PLB1: variants seen among roughly 807,000 people sequenced by gnomAD.
PLB1 encodes phospholipase B1, membrane-associated.
In PLB1, 242 loss-of-function variants were observed where a neutral mutation model predicts 227.4. That is an observed-to-expected ratio of 1.06 (90% CI 0.96 to 1.18). The LOEUF (loss-of-function observed/expected upper bound fraction) is 1.18. Among genes scored for constraint, PLB1 ranks in the 50% most tolerant of loss-of-function variants. The pLI, the probability that PLB1 is intolerant of heterozygous loss-of-function variation, is 0.00. For synonymous variants in PLB1, 757 were observed against 682.2 expected (o/e 1.11, Z -1.71); for missense variants, 1,858 against 1,816.3 (o/e 1.02, Z -0.42).
chr2:28,573,317 T>C lies in PLB1; in HGVS notation c.1433+12T>C. On this transcript the variant is annotated intron_variant, in intron 21 of 57. Transcript: ENST00000327757. Reference sequence around the variant, plus strand: ...GGAGGCCGAGCTGAGTAAGCAGGGGTGACCGGGGCGGTGAACAGCACAGGT... The same window carrying C: ...GGAGGCCGAGCTGAGTAAGCAGGGGCGACCGGGGCGGTGAACAGCACAGGT... The C allele has an allele frequency of 6.2e-7, 1 of 1,601,504 alleles. No homozygotes were observed. The highest frequency in any genetic ancestry group is 1.1e-5 in the South Asian group (1 of 90,744).
chr2:28,529,322 T>C lies in PLB1; in HGVS notation c.331T>C (p.Ser111Pro), dbSNP rs1670695626. 3.1e-6 allele frequency: 5 copies of C among 1,607,596 alleles called. No individual in the cohort carries two copies. In the African/African-American group the frequency reaches 4.0e-5, roughly 13 times the overall value. ...QVCMGVMTVL[S>P]DIIRYFSPSV... ...CAAACCAGTTCTCTCTTTAGTCCTT[T>C]CAGACATCATCAGATATTTCAGTCC... is the stretch of plus-strand genomic sequence containing the variant. Residue 111 changes from serine to proline, a missense_variant, in exon 7 of 58, where the codon TCA becomes CCA. Ser to Pro is a moderately conservative substitution (Grantham distance 74). Transcript: ENST00000327757.
intron 21 of PLB1, among the ~76,000 whole-genome samples, chr2:28,574,465 C>T (rs1270829920): frequency 6.7e-6 from 1 of 149,250 alleles, no homozygotes; most frequent in Non-Finnish European, 1.5e-5. Flanking sequence ...TCACTGCAAC[C>T]TCCACCTCCC....
chr2:28,576,770 A>T (rs1679026357), intron 21 of PLB1, among the ~76,000 whole-genome samples: 1 of 152,098 alleles, frequency 6.6e-6, no homozygotes, highest in African/African-American at 2.4e-5. Context: ...TCATCCTCAA[A>T]CTCTGTTCCA....
At chr2:28,523,240 T>C (rs756839608) in intron 4 of PLB1, among the ~76,000 whole-genome samples, 18 of 151,898 alleles carry the variant, frequency 1.2e-4, no homozygotes, top group South Asian at 6.2e-4. Context: ...CACACATATA[T>C]ACATTCTCAT....
At chr2:28,552,567 G>A (rs1331622804) in intron 16 of PLB1, among the ~76,000 whole-genome samples, 1 of 152,226 alleles carries the variant, frequency 6.6e-6, no homozygotes, top group African/African-American at 2.4e-5. Flanking sequence ...CTTGGGCAGA[G>A]GAGTGACACA....
intron 38 of PLB1, 72 bp from the exon 39 acceptor site, chr2:28,602,749 T>C: frequency 7.2e-7 from 1 of 1,387,354 alleles, no homozygotes; most frequent in South Asian, 1.2e-5. Context: ...AGGAACCCAT[T>C]CCTAGGGGCC....
At chr2:28,566,094 G>A (rs955744351) in intron 19 of PLB1, among the ~76,000 whole-genome samples, 1 of 152,166 alleles carries the variant, frequency 6.6e-6, no homozygotes, top group African/African-American at 2.4e-5. Context: ...GGCAGGTTTG[G>A]TGTTTCCTCA....
intron 44 of PLB1, among the ~76,000 whole-genome samples, chr2:28,615,770 A>G (rs138095995): frequency 6.1e-4 from 93 of 152,352 alleles, no homozygotes; most frequent in African/African-American, 2.2e-3. Context: ...GGTGAGCCGA[A>G]TGGGTCTGGA....
In PLB1 at chr2:28,643,210, T is replaced by G. The variant is rs980670527; in HGVS notation, c.*149T>G. 2 of 660,958 alleles carry G rather than the reference T, an allele frequency of 3.0e-6. No homozygotes were observed. The highest frequency in any genetic ancestry group is 2.4e-5 in the South Asian group (1 of 41,506). 40.9% of individuals were successfully genotyped at this position (660,958 alleles called of 1,614,324 possible). A position where few individuals can be genotyped will look rare whatever the true frequency, so the allele number is the denominator to read the frequency against. On this transcript the variant is annotated 3_prime_UTR_variant, in exon 58 of 58. Transcript: ENST00000327757. ...GTCACAACTTCTTGGGGCCTGGGCT[T>G]CTTCCAGGCCTATGCTCCTGGAATG...
chr2:28,608,941 G>T (rs192286335), intron 43 of PLB1, among the ~76,000 whole-genome samples: 1 of 151,982 alleles, frequency 6.6e-6, no homozygotes, highest in Non-Finnish European at 1.5e-5. Context: ...TTGAAACAGG[G>T]TCTTGCTCCG....
chr2:28,593,238 C>T (rs1277420564), intron 32 of PLB1, among the ~76,000 whole-genome samples: 3 of 152,122 alleles, frequency 2.0e-5, no homozygotes, highest in African/African-American at 7.2e-5. Context: ...ACAGAATGCC[C>T]CAGAGGGAAA....
At chr2:28,632,866 C>T (rs144081630) in intron 55 of PLB1, 78 bp from the exon 56 acceptor site, 2 of 1,010,246 alleles carry the variant, frequency 2.0e-6, no homozygotes, top group Non-Finnish European at 3.1e-6. Flanking sequence ...ATGCCCAGGG[C>T]ACCTGCTGGG....
intron 33 of PLB1, chr2:28,594,977 C>T (rs773742731): frequency 1.3e-5 from 2 of 152,052 alleles, no homozygotes; most frequent in African/African-American, 2.4e-5. Flanking sequence ...TGACCTCATA[C>T]GATAGCATGG....
intron 9 of PLB1, among the ~76,000 whole-genome samples, chr2:28,537,789 A>C (rs1671899516): frequency 1.3e-5 from 2 of 151,866 alleles, no homozygotes; most frequent in East Asian, 3.9e-4. Flanking sequence ...TTAAATACTC[A>C]GGTGGCAGGA....
At chr2:28,639,386 C>T (rs1689734951) in intron 56 of PLB1, among the ~76,000 whole-genome samples, 1 of 151,936 alleles carries the variant, frequency 6.6e-6, no homozygotes. Context: ...CGTTGGTGGC[C>T]AGGGCCAGAG....
intron 4 of PLB1, among the ~76,000 whole-genome samples, chr2:28,524,193 T>C (rs1349892202): frequency 6.6e-6 from 1 of 152,182 alleles, no homozygotes; most frequent in Non-Finnish European, 1.5e-5. Flanking sequence ...GCGGTGTAGC[T>C]GTCTGCCTGT....
At chr2:28,502,802 G>T (rs143286067) in intron 1 of PLB1, among the ~76,000 whole-genome samples, 2 of 152,162 alleles carry the variant, frequency 1.3e-5, no homozygotes, top group East Asian at 3.9e-4. Context: ...AATAATAATG[G>T]ATTTTTTTTC....
intron 37 of PLB1, 103 bp downstream of exon 37, chr2:28,601,435 T>C (rs1184803936): frequency 3.5e-6 from 3 of 859,468 alleles, no homozygotes; most frequent in East Asian, 5.3e-5. Context: ...CCTAGGATTA[T>C]CCACCTACAC....
Position 28,602,673 on chromosome 2 carries a change from A to G in PLB1, c.2674-148A>G, listed in dbSNP as rs753383741. On this transcript the variant is annotated intron_variant, in intron 38 of 57. Coordinates refer to ENST00000327757, the MANE Select transcript of PLB1 (RefSeq NM_153021.5). Reference sequence around the variant, plus strand: ...TGTGATGTACGGCCTGTAAGGCCCTACGAGGTAGCCCTGTATAGACTCCTC... The same window carrying G: ...TGTGATGTACGGCCTGTAAGGCCCTGCGAGGTAGCCCTGTATAGACTCCTC... 4.8e-4 allele frequency: 331 copies of G among 688,462 alleles called. 1 individual carries two copies. Among genetic ancestry groups the G allele is most frequent in the Non-Finnish European group, 8.8e-5 (35 of 395,876 alleles). The allele number at this position is 688,462 out of a possible 1,614,324, so 42.6% of individuals were successfully genotyped here. A position where few individuals can be genotyped will look rare whatever the true frequency, so the allele number is the denominator to read the frequency against.
Sources: allele counts gnomAD v4.1 joint callset (sites outside exome capture counted in the v4.1 genomes callset), GRCh38; gene constraint gnomAD v4.1.1; transcripts MANE v1.5; gene names NCBI Gene and HGNC (gene_info 2026-07-23, HGNC 2026-07-21).